The following SYNJ2 variants were observed in gnomAD, a reference collection of about 807,000 sequenced individuals.
SYNJ2 encodes the protein polyphosphatidylinositol phosphatase SYNJ2.
SYNJ2 carries 116 observed loss-of-function variants against 141.3 expected under a neutral mutation model. That is an observed-to-expected ratio of 0.82 (90% CI 0.71 to 0.96). SYNJ2 has a LOEUF of 0.96. SYNJ2 is among the 40% of genes least tolerant of loss of function. SYNJ2 has a pLI of 0.00. For synonymous variants in SYNJ2, 745 were observed against 777.7 expected, an observed-to-expected ratio of 0.96 and a Z score of 0.70; for missense variants, 1,873 against 1,934.8, an observed-to-expected ratio of 0.97 and a Z score of 0.60.
chr6:158,062,003 G>A lies in SYNJ2; in HGVS notation c.966G>A (p.Trp322Ter). 1 of 1,613,922 alleles carries A rather than the reference G, an allele frequency of 6.2e-7. No homozygotes were observed. The highest frequency in any genetic ancestry group is 8.5e-7 in the Non-Finnish European group (1 of 1,179,978). Residue 322 changes from tryptophan (W) to a stop codon, truncating the protein, a stop_gained, in exon 8 of 27, where the codon TGG becomes TGA. Coordinates refer to ENST00000355585, the MANE Select transcript of SYNJ2 (RefSeq NM_003898.4). LOFTEE classifies it high-confidence loss of function. ...CCTCCTCTTTTCAGAAGCTGCTCTG[G>A]GCTTCTTGCCACGCGGGCGACACGC... ...VLNRAFKKLL[W>*]ASCHAGDTPM...
intron 1 of SYNJ2, among the ~76,000 whole-genome samples, chr6:158,006,224 C>T (rs1278570051): frequency 6.6e-6 from 1 of 152,188 alleles, no homozygotes; most frequent in Admixed American, 6.5e-5. Flanking sequence ...CATGCGCACA[C>T]ACGTATGCAC....
chr6:158,042,534 C>T (rs933605395), intron 4 of SYNJ2, among the ~76,000 whole-genome samples: 1 of 152,252 alleles, frequency 6.6e-6, no homozygotes, highest in African/African-American at 2.4e-5. Flanking sequence ...TGATAAGTGT[C>T]GCCGCCTGCC....
chr6:157,986,395 G>A (rs565683939), intron 1 of SYNJ2, among the ~76,000 whole-genome samples: 6 of 152,272 alleles, frequency 3.9e-5, no homozygotes, highest in African/African-American at 7.2e-5. Context: ...GTACAATGGC[G>A]CAATCTTGGC....
chr6:158,084,777 A>T lies in SYNJ2; in HGVS notation c.3208+603A>T, dbSNP rs1782927682. ...CAATGAGCCGAGATCGCCCCACTGCACTCCAGCTTGGGTGACAAAGTGAGA... is the reference window on the plus strand; with the variant it reads ...CAATGAGCCGAGATCGCCCCACTGCTCTCCAGCTTGGGTGACAAAGTGAGA... On this transcript the variant is annotated intron_variant, in intron 22 of 26. Coordinates refer to ENST00000355585, the MANE Select transcript of SYNJ2 (RefSeq NM_003898.4). The surrounding 1 kb of genome is among the most constrained non-coding windows in gnomAD (Gnocchi z 5.0). Among the ~76,000 whole-genome samples, 2 of 152,016 alleles carry T rather than the reference A, an allele frequency of 1.3e-5. No individual in the cohort carries two copies. The highest frequency in any genetic ancestry group is 2.9e-5 in the Non-Finnish European group (2 of 68,014).
chr6:158,066,945 C>A (rs576832119), intron 12 of SYNJ2, among the ~76,000 whole-genome samples: 32 of 152,246 alleles, frequency 2.1e-4, no homozygotes. Context: ...GGTGTGGCTT[C>A]TAGGGCCATG....
intron 6 of SYNJ2, 74 bp downstream of exon 6, chr6:158,055,102 A>T: frequency 6.5e-7 from 1 of 1,539,398 alleles, no homozygotes; most frequent in Admixed American, 1.8e-5. Flanking sequence ...GACACAAGGG[A>T]GAGGGTGCGA....
At chr6:158,010,434 T>C (rs1778221011) in intron 1 of SYNJ2, among the ~76,000 whole-genome samples, 1 of 152,204 alleles carries the variant, frequency 6.6e-6, no homozygotes, top group Non-Finnish European at 1.5e-5. Flanking sequence ...GGCCCCTGCC[T>C]TCTGGGGTGG....
At chr6:158,008,366 A>G (rs926032579) in intron 1 of SYNJ2, among the ~76,000 whole-genome samples, 3 of 152,240 alleles carry the variant, frequency 2.0e-5, no homozygotes, top group African/African-American at 4.8e-5. Flanking sequence ...TTTACTCACA[A>G]TAACCTAGGG....
intron 1 of SYNJ2, among the ~76,000 whole-genome samples, chr6:158,008,246 T>C (rs6920960): frequency 0.57 from 87,388 of 152,124 alleles, 25,688 homozygotes; most frequent in Middle Eastern, 0.74. Context: ...GTGCTGGGAT[T>C]ACAGGCATGA....
At chr6:158,082,487 C>CAA (rs769884420) in intron 20 of SYNJ2, among the ~76,000 whole-genome samples, 18 of 75,290 alleles carry the variant, frequency 2.4e-4, no homozygotes, top group African/African-American at 6.1e-4. Context: ...ACTCTGTCTC[C>CAA]AAAAAAAAAA....
intron 1 of SYNJ2, among the ~76,000 whole-genome samples, chr6:158,003,942 A>G (rs1272634723): frequency 1.3e-5 from 2 of 152,172 alleles, no homozygotes; most frequent in African/African-American, 4.8e-5. Context: ...GGAGACGGGG[A>G]GTTCCCCAGC....
At chr6:157,986,269 C>G (rs534533981) in intron 1 of SYNJ2, among the ~76,000 whole-genome samples, 9 of 152,380 alleles carry the variant, frequency 5.9e-5, no homozygotes, top group East Asian at 3.9e-4. Context: ...TTTGCCTCCT[C>G]TCCTAGCCGG....
intron 1 of SYNJ2, among the ~76,000 whole-genome samples, chr6:157,983,089 C>G (rs143036583): frequency 3.3e-5 from 5 of 152,206 alleles, no homozygotes; most frequent in Non-Finnish European, 7.3e-5. Flanking sequence ...CGGGGTCACT[C>G]GTACTTGAGG....
In SYNJ2 at chr6:158,003,778, G is replaced by C. The variant is rs377518336; in HGVS notation, c.128-13426G>C. Among the ~76,000 whole-genome samples, 33 of 152,266 alleles carry C rather than the reference G, an allele frequency of 2.2e-4. No homozygotes were observed. In the East Asian group the frequency reaches 2.5e-3, roughly 12 times the overall value. On this transcript the variant is annotated intron_variant, in intron 1 of 26. Transcript: ENST00000355585. ...TGCACGGCTGCTCCCACTGAGACCA[G>C]CCTCTGCCTCGGGATGGTCTGACCC...
intron 1 of SYNJ2, among the ~76,000 whole-genome samples, chr6:158,003,885 C>T (rs1777952234): frequency 6.6e-6 from 1 of 152,306 alleles, no homozygotes; most frequent in Non-Finnish European, 1.5e-5. Flanking sequence ...TTGGGAGCCT[C>T]TCAAGTGGTG....
chr6:157,987,741 C>G (rs1244298646), intron 1 of SYNJ2, among the ~76,000 whole-genome samples: 1 of 152,202 alleles, frequency 6.6e-6, no homozygotes, highest in Non-Finnish European at 1.5e-5. Context: ...ATTTACTCTC[C>G]TAGTGATTTC....
At chr6:158,089,478 A>G (rs888836064) in intron 24 of SYNJ2, among the ~76,000 whole-genome samples, 6 of 152,194 alleles carry the variant, frequency 3.9e-5, no homozygotes, top group African/African-American at 1.2e-4. Context: ...AGAAGTAGAA[A>G]AAGCACTTTT....
intron 5 of SYNJ2, among the ~76,000 whole-genome samples, chr6:158,048,564 C>G (rs1269093059): frequency 6.6e-6 from 1 of 152,168 alleles, no homozygotes; most frequent in African/African-American, 2.4e-5. Context: ...CTTGAAAAAT[C>G]CTGATACCCA....
intron 2 of SYNJ2, among the ~76,000 whole-genome samples, chr6:158,023,427 G>A (rs9459160): frequency 0.16 from 25,022 of 152,030 alleles, 3,406 homozygotes; most frequent in African/African-American, 0.37. Flanking sequence ...GGGCCTTCCC[G>A]GAGAGGCAGC....
Sources: gnomAD v4.1 joint callset for allele counts (sites outside exome capture counted in the v4.1 genomes callset) on GRCh38, gnomAD v4.1.1 for gene constraint, Gnocchi (gnomAD v3.1) non-coding constraint, MANE v1.5 for transcripts, NCBI Gene and HGNC (gene_info 2026-07-23, HGNC 2026-07-21) for gene names.